SLC16A1: variants seen among roughly 807,000 people sequenced by gnomAD.
The protein encoded by SLC16A1 is solute carrier family 16 member 1.
A neutral mutation model predicts 32.2 loss-of-function variants in SLC16A1; 11 were observed. The observed-to-expected ratio is 0.34, with a 90% CI of 0.21 to 0.56. The LOEUF (loss-of-function observed/expected upper bound fraction) is 0.56, where lower values mean the gene tolerates loss of function less well. Among genes scored for constraint, SLC16A1 ranks in the 20% least tolerant of loss-of-function variants. The probability of loss-of-function intolerance (pLI) is 0.87; values close to 1 mark genes in which losing one functional copy is unlikely to be tolerated. For synonymous variants in SLC16A1, 231 were observed against 226.8 expected, an observed-to-expected ratio of 1.02 and a Z score of -0.17; for missense variants, 435 against 615.0, an observed-to-expected ratio of 0.71 and a Z score of 3.10.
chr1:112,928,354 A>G (rs999347080), intron 2 of SLC16A1, among the ~76,000 whole-genome samples: 2 of 152,194 alleles, frequency 1.3e-5, no homozygotes, highest in African/African-American at 4.8e-5. Flanking sequence ...CACTCACAAT[A>G]CCTAGCCCAG....
chr1:112,934,482 CTCA>C lies in SLC16A1; in HGVS notation c.-44-5133_-44-5131del, dbSNP rs562557734. 3.7e-3 allele frequency among the ~76,000 whole-genome samples: 565 copies of C among 152,244 alleles called. 3 individuals are homozygous for C. Among genetic ancestry groups the C allele is most frequent in the African/African-American group, 9.2e-3 (381 of 41,550 alleles). ...TTTATTATCATGATGGTGACAGTTACTCATCAAAGTATACATTCAAGTTAGTAA... is the reference window on the plus strand; with the variant it reads ...TTTATTATCATGATGGTGACAGTTACTCAAAGTATACATTCAAGTTAGTAA... On this transcript the variant is annotated intron_variant, in intron 1 of 4. Transcript: ENST00000369626.
intron 1 of SLC16A1, among the ~76,000 whole-genome samples, chr1:112,938,796 A>T (rs1326647923): frequency 1.3e-5 from 2 of 152,124 alleles, no homozygotes; most frequent in Non-Finnish European, 2.9e-5. Flanking sequence ...TATAATCCCT[A>T]AAAAAATCAG....
chr1:112,937,835 T>C (rs1275251940), intron 1 of SLC16A1, among the ~76,000 whole-genome samples: 2 of 152,182 alleles, frequency 1.3e-5, no homozygotes, highest in Non-Finnish European at 1.5e-5. Context: ...AGTGATAGGG[T>C]AATGAGAAAA....
intron 2 of SLC16A1, chr1:112,922,362 A>G: frequency 1.8e-6 from 1 of 563,740 alleles, no homozygotes; most frequent in Non-Finnish European, 3.1e-6. Flanking sequence ...AATTTTACTA[A>G]AATACAAAAG....
chr1:112,921,951 C>T, intron 3 of SLC16A1, 39 bp downstream of exon 3: 1 of 1,611,906 alleles, frequency 6.2e-7, no homozygotes. Flanking sequence ...AATAGCCAGC[C>T]ATAAACTAAT....
rs542005502 is a variant in SLC16A1 at position 112,918,073 on chromosome 1, T to G, written c.362-29A>C. On this transcript the variant is annotated intron_variant, in intron 3 of 4. Coordinates refer to ENST00000369626, the MANE Select transcript of SLC16A1 (RefSeq NM_003051.4). ...TGAAGACAATAAATAAATAAATAAA[T>G]AAATAAATAAATAAATAAATAAATA... is the stretch of plus-strand genomic sequence containing the variant. 7.0e-4 allele frequency: 752 copies of G among 1,066,804 alleles called. 32 individuals carry two copies. The highest frequency in any genetic ancestry group is 4.6e-3 in the Middle Eastern group (13 of 2,814). The allele number at this position is 1,066,804 out of a possible 1,614,324, so 66.1% of individuals were successfully genotyped here.
chr1:112,939,785 G>A (rs902402600), intron 1 of SLC16A1, among the ~76,000 whole-genome samples: 2 of 151,998 alleles, frequency 1.3e-5, no homozygotes, highest in African/African-American at 2.4e-5. Flanking sequence ...GATTACAGGC[G>A]TTAGCCACCG....
At chr1:112,949,839 GAAT>G (rs1649829280) in intron 1 of SLC16A1, among the ~76,000 whole-genome samples, 1 of 152,024 alleles carries the variant, frequency 6.6e-6, no homozygotes, top group South Asian at 2.1e-4. Flanking sequence ...TGCCCAGACA[GAAT>G]AATGTTTTTA....
chr1:112,950,633 C>A (rs1283724302), intron 1 of SLC16A1, among the ~76,000 whole-genome samples: 1 of 152,198 alleles, frequency 6.6e-6, no homozygotes, highest in Non-Finnish European at 1.5e-5. Context: ...TGGCTCAGCC[C>A]ATGCAGCTGC....
chr1:112,924,316 C>A, intron 2 of SLC16A1: 1 of 1,376,932 alleles, frequency 7.3e-7, no homozygotes, highest in Non-Finnish European at 1.0e-6. Flanking sequence ...CAATTGGTTG[C>A]TCACGAATGT....
At chr1:112,936,232 G>A (rs1316237551) in intron 1 of SLC16A1, among the ~76,000 whole-genome samples, 1 of 143,678 alleles carries the variant, frequency 7.0e-6, no homozygotes, top group Non-Finnish European at 1.5e-5. Flanking sequence ...AGGCAGCCGG[G>A]GGCAGTGGCT....
At chr1:112,952,576 T>TC (rs1649933190) in intron 1 of SLC16A1, among the ~76,000 whole-genome samples, 1 of 152,158 alleles carries the variant, frequency 6.6e-6, no homozygotes, top group Non-Finnish European at 1.5e-5. Flanking sequence ...TTCTCGAGAG[T>TC]TATCTTTCAG....
At chr1:112,940,953 T>A (rs1469312180) in intron 1 of SLC16A1, among the ~76,000 whole-genome samples, 1 of 152,124 alleles carries the variant, frequency 6.6e-6, no homozygotes, top group Non-Finnish European at 1.5e-5. Flanking sequence ...AAACCAAATA[T>A]TTTTCTCACT....
intron 1 of SLC16A1, among the ~76,000 whole-genome samples, chr1:112,932,055 CTA>C (rs1416765567): frequency 2.0e-5 from 3 of 152,174 alleles, no homozygotes; most frequent in African/African-American, 7.2e-5. Context: ...CTTCCAACCC[CTA>C]TGAACACTTC....
intron 1 of SLC16A1, among the ~76,000 whole-genome samples, chr1:112,954,008 T>C (rs974589774): frequency 1.3e-5 from 2 of 152,210 alleles, no homozygotes; most frequent in Non-Finnish European, 2.9e-5. Flanking sequence ...GGGCAAGTGG[T>C]AAAATTTGTT....
chr1:112,924,659 T>C (rs577365465), intron 2 of SLC16A1, among the ~76,000 whole-genome samples: 30 of 152,238 alleles, frequency 2.0e-4, no homozygotes, highest in Admixed American at 6.5e-4. Context: ...AGTGTTGCAA[T>C]TAGGTAATCT....
intron 1 of SLC16A1, among the ~76,000 whole-genome samples, chr1:112,931,259 T>G (rs1425559652): frequency 6.6e-6 from 1 of 152,138 alleles, no homozygotes. Flanking sequence ...TAGCTTTGAT[T>G]CAAGGTATTT....
At position 112,913,583 on chromosome 1, in the gene SLC16A1, CTA is replaced by C. The variant is rs1648396302; in HGVS notation, c.*306_*307del. On this transcript the variant is annotated 3_prime_UTR_variant, in exon 5 of 5. Transcript: ENST00000369626. ...AAATGGTTTAAGAAGTTAAGGCTCT[CTA>C]GAGTTCTAAAGACTAAAACTTAAGG... 2.9e-6 allele frequency: 1 copy of C among 348,922 alleles called. No individual in the cohort carries two copies. The highest frequency in any genetic ancestry group is 4.4e-5 in the Admixed American group (1 of 22,926). 21.6% of individuals were successfully genotyped at this position (348,922 alleles called of 1,614,324 possible).
chr1:112,918,095 AATAAATAATAAGAGGT>A, intron 3 of SLC16A1, 51 bp from the exon 4 acceptor site: 1 of 1,082,606 alleles, frequency 9.2e-7, no homozygotes, highest in Non-Finnish European at 1.2e-6. Context: ...TAAATAAATA[AATAAATAATAAGAGGT>A]ATAAATAATG....
Sources: gnomAD v4.1 joint callset for allele counts (sites outside exome capture counted in the v4.1 genomes callset) on GRCh38, gnomAD v4.1.1 for gene constraint, MANE v1.5 for transcripts, NCBI Gene and HGNC (gene_info 2026-07-23, HGNC 2026-07-21) for gene names.